The following ABCC4 variants were observed in gnomAD, a reference collection of about 807,000 sequenced individuals.
The protein encoded by ABCC4 is ATP binding cassette subfamily C member 4 (PEL blood group).
ABCC4 carries 102 observed loss-of-function variants against 168.5 expected under a neutral mutation model. The ratio of observed to expected loss-of-function variants is 0.61; its 90% CI spans 0.52 to 0.71. The LOEUF (loss-of-function observed/expected upper bound fraction) is 0.71, where lower values mean the gene tolerates loss of function less well. Ranked by LOEUF, ABCC4 falls within the 30% of genes least tolerant of loss-of-function variation. The pLI, the probability that ABCC4 is intolerant of heterozygous loss-of-function variation, is 0.00. For synonymous variants in ABCC4, 617 were observed against 590.7 expected (o/e 1.04, Z -0.65); for missense variants, 1,402 against 1,605.8 (o/e 0.87, Z 2.17).
At chr13:95,289,043 C>T (rs1278248455) in intron 1 of ABCC4, among the ~76,000 whole-genome samples, 2 of 152,112 alleles carry the variant, frequency 1.3e-5, no homozygotes, top group African/African-American at 4.8e-5. Flanking sequence ...AAGATGGATA[C>T]CTTTCTACTG....
chr13:95,223,423 G>A (rs1009642960), intron 4 of ABCC4, among the ~76,000 whole-genome samples: 6 of 149,972 alleles, frequency 4.0e-5, no homozygotes, highest in African/African-American at 1.5e-4. Flanking sequence ...AATGTACAAT[G>A]GGTTAGTATG....
Position 95,166,196 on chromosome 13 carries a change from T to G in ABCC4, c.1996A>C (p.Arg666=). Residue 666 remains arginine, a synonymous_variant, in exon 15 of 31, where the codon AGA becomes CGA. Coordinates refer to ENST00000645237, the MANE Select transcript of ABCC4 (RefSeq NM_005845.5). The part of the protein sequence containing the change: ...ESSVWSQQSS[R]PSLKDGALES... ...AGAGCACCATCTTTCAAGGAGGGTC[T>G]AGAAGATTGTTGAGACCAAACCGAA... is the stretch of plus-strand genomic sequence containing the variant. 1 of 1,614,150 alleles carries G rather than the reference T, an allele frequency of 6.2e-7. No homozygotes were observed.
intron 21 of ABCC4, among the ~76,000 whole-genome samples, chr13:95,076,896 A>G (rs1422987952): frequency 1.3e-5 from 2 of 151,836 alleles, no homozygotes; most frequent in Non-Finnish European, 2.9e-5. Context: ...AGTAGCTGGG[A>G]CTAGACATGC....
At chr13:95,254,428 C>A (rs1478351336) in intron 1 of ABCC4, among the ~76,000 whole-genome samples, 2 of 152,110 alleles carry the variant, frequency 1.3e-5, no homozygotes, top group Non-Finnish European at 2.9e-5. Flanking sequence ...GACTCATAAC[C>A]AACTGCTGAT....
chr13:95,081,795 G>T (rs183177741), intron 21 of ABCC4, among the ~76,000 whole-genome samples: 156 of 152,182 alleles, frequency 1.0e-3, no homozygotes, highest in African/African-American at 3.7e-3. Flanking sequence ...GAGGTCAGGA[G>T]TTCAAGACCA....
intron 26 of ABCC4, among the ~76,000 whole-genome samples, chr13:95,062,113 G>A (rs931111): frequency 0.79 from 120,501 of 152,092 alleles, 47,854 homozygotes; most frequent in South Asian, 0.9. Context: ...TGATCGTAAG[G>A]AAGATGAAGC....
At chr13:95,219,187 C>G (rs1293031271) in intron 4 of ABCC4, among the ~76,000 whole-genome samples, 1 of 152,132 alleles carries the variant, frequency 6.6e-6, no homozygotes, top group African/African-American at 2.4e-5. Flanking sequence ...AAAGGGGGGC[C>G]ACATCCCCCC....
chr13:95,268,232 C>T (rs1339308287), intron 1 of ABCC4, among the ~76,000 whole-genome samples: 2 of 152,172 alleles, frequency 1.3e-5, no homozygotes, highest in Non-Finnish European at 2.9e-5. Context: ...ATGTGCTTTG[C>T]TAAACAAATG....
intron 13 of ABCC4, among the ~76,000 whole-genome samples, chr13:95,171,456 C>T (rs926875887): frequency 6.6e-6 from 1 of 151,120 alleles, no homozygotes; most frequent in African/African-American, 2.4e-5. Flanking sequence ...AGAAGGGAGG[C>T]TAAGGTGGGA....
At chr13:95,228,798 AC>A (rs1228936421) in intron 4 of ABCC4, among the ~76,000 whole-genome samples, 1 of 150,744 alleles carries the variant, frequency 6.6e-6, no homozygotes, top group Non-Finnish European at 1.5e-5. Context: ...GGTGGCTCAC[AC>A]CTGTAATCCT....
At chr13:95,042,575 CAA>C (rs1167560613) in intron 29 of ABCC4, among the ~76,000 whole-genome samples, 1 of 152,084 alleles carries the variant, frequency 6.6e-6, no homozygotes, top group Non-Finnish European at 1.5e-5. Flanking sequence ...AGACATTACT[CAA>C]GAGAGAAAAA....
In ABCC4 at chr13:95,269,458, T is replaced by C. The variant is rs752089418; in HGVS notation, c.75-21705A>G. 383 of 169,004 alleles carry C rather than the reference T, an allele frequency of 2.3e-3. 2 individuals carry two copies. The highest frequency in any genetic ancestry group is 7.1e-3 in the African/African-American group (293 of 41,148). The allele number at this position is 169,004 out of a possible 1,614,324, so 10.5% of individuals were successfully genotyped here. On this transcript the variant is annotated intron_variant, in intron 1 of 30. Transcript: ENST00000645237. ...AAATATATATATATATATATATATA[T>C]ACACACAACATTGATCAAGATTTAA...
At chr13:95,036,496 A>C (rs1039143634) in intron 29 of ABCC4, among the ~76,000 whole-genome samples, 1 of 151,736 alleles carries the variant, frequency 6.6e-6, no homozygotes, top group African/African-American at 2.4e-5. Flanking sequence ...AATTGACCAG[A>C]ATCTAAAAAG....
At chr13:95,182,604 T>C (rs1281516792) in intron 11 of ABCC4, among the ~76,000 whole-genome samples, 1 of 152,254 alleles carries the variant, frequency 6.6e-6, no homozygotes, top group African/African-American at 2.4e-5. Context: ...AGGCCTGTTA[T>C]GTGCCTAGTA....
intron 19 of ABCC4, among the ~76,000 whole-genome samples, chr13:95,119,649 A>G (rs571350376): frequency 1.3e-5 from 2 of 152,322 alleles, no homozygotes; most frequent in Admixed American, 1.3e-4. Flanking sequence ...TACGTCTCCC[A>G]TGACGAAGAC....
intron 20 of ABCC4, among the ~76,000 whole-genome samples, chr13:95,085,309 G>A (rs1024998666): frequency 5.3e-5 from 8 of 151,554 alleles, no homozygotes; most frequent in African/African-American, 9.7e-5. Context: ...GTGTGGTGCC[G>A]CATATTTGTA....
intron 1 of ABCC4, among the ~76,000 whole-genome samples, chr13:95,283,938 G>A (rs1172007088): frequency 1.6e-4 from 24 of 146,834 alleles, no homozygotes; most frequent in Non-Finnish European, 1.9e-4. Flanking sequence ...AGTGGCTCAC[G>A]CCTGTAATCC....
At chr13:95,176,244 G>C (rs61444886) in intron 13 of ABCC4, among the ~76,000 whole-genome samples, 1 of 44,910 alleles carries the variant, frequency 2.2e-5, no homozygotes, top group East Asian at 7.4e-4. Context: ...GGGGGGGGGG[G>C]GTGGATCCCT....
chr13:95,224,797 A>G (rs2039409589), intron 4 of ABCC4, among the ~76,000 whole-genome samples: 1 of 152,150 alleles, frequency 6.6e-6, no homozygotes, highest in Admixed American at 6.6e-5. Flanking sequence ...AAAAAATTAT[A>G]TCAAATGGAA....
Sources: gnomAD v4.1 joint callset for allele counts (sites outside exome capture counted in the v4.1 genomes callset) on GRCh38, gnomAD v4.1.1 for gene constraint, MANE v1.5 for transcripts, NCBI Gene and HGNC (gene_info 2026-07-23, HGNC 2026-07-21) for gene names.